DPYD: variants seen among roughly 807,000 people sequenced by gnomAD.
The protein encoded by DPYD is dihydropyrimidine dehydrogenase [NADP(+)].
In DPYD, 109 loss-of-function variants were observed where a neutral mutation model predicts 116.2. The observed-to-expected ratio is 0.94, with a 90% CI of 0.80 to 1.10. The LOEUF is 1.10. Ranked by LOEUF, DPYD falls within the 50% of genes least tolerant of loss-of-function variation. The pLI is 0.00. For missense variants in DPYD, 1,302 were observed against 1,254.5 expected (o/e 1.04, Z -0.57); for synonymous variants, 440 against 432.0 (o/e 1.02, Z -0.23).
intron 19 of DPYD, among the ~76,000 whole-genome samples, chr1:97,214,024 G>A (rs1660215020): frequency 6.6e-6 from 1 of 152,090 alleles, no homozygotes. Flanking sequence ...AGTTTTTAAA[G>A]CACATTACTG....
At chr1:97,429,168 GGT>G (rs1675035887) in intron 14 of DPYD, among the ~76,000 whole-genome samples, 1 of 151,706 alleles carries the variant, frequency 6.6e-6, no homozygotes, top group African/African-American at 2.4e-5. Flanking sequence ...TATTAACCAG[GGT>G]AACCTGATAT....
intron 8 of DPYD, among the ~76,000 whole-genome samples, chr1:97,615,632 C>CA (rs1000020249): frequency 8.6e-5 from 13 of 152,026 alleles, no homozygotes; most frequent in Non-Finnish European, 1.6e-4. Flanking sequence ...TCCTGGCTGA[C>CA]AAAAAAATAA....
At chr1:97,119,152 G>GA (rs949295559) in intron 20 of DPYD, among the ~76,000 whole-genome samples, 34 of 151,728 alleles carry the variant, frequency 2.2e-4, no homozygotes, top group South Asian at 8.4e-4. Context: ...ATATTTATTT[G>GA]AAAAAAAAGC....
chr1:97,096,513 G>C (rs1183300287), intron 21 of DPYD, among the ~76,000 whole-genome samples: 1 of 152,112 alleles, frequency 6.6e-6, no homozygotes, highest in Non-Finnish European at 1.5e-5. Flanking sequence ...GACTTCCTGG[G>C]TCCAGTGGGA....
intron 2 of DPYD, among the ~76,000 whole-genome samples, chr1:97,862,278 T>G (rs1558015480): frequency 1.3e-5 from 2 of 151,940 alleles, no homozygotes. Flanking sequence ...TTTATTACTA[T>G]GAGTTTAAAT....
intron 3 of DPYD, among the ~76,000 whole-genome samples, chr1:97,742,165 G>A (rs968518084): frequency 1.4e-4 from 21 of 152,170 alleles, no homozygotes; most frequent in Admixed American, 5.9e-4. Context: ...ATTTCACTGA[G>A]CATGAATCCT....
At chr1:97,772,198 T>C (rs527499117) in intron 3 of DPYD, among the ~76,000 whole-genome samples, 3 of 152,188 alleles carry the variant, frequency 2.0e-5, no homozygotes, top group Non-Finnish European at 4.4e-5. Flanking sequence ...ACTCTCAATT[T>C]TGCCACTCAG....
intron 3 of DPYD, among the ~76,000 whole-genome samples, chr1:97,825,359 C>T (rs1027351945): frequency 6.6e-6 from 1 of 151,920 alleles, no homozygotes; most frequent in African/African-American, 2.4e-5. Context: ...TAAGGAGGTA[C>T]CCAAGATGGT....
intron 7 of DPYD, among the ~76,000 whole-genome samples, chr1:97,683,924 A>T (rs1332577287): frequency 6.6e-6 from 1 of 152,194 alleles, no homozygotes; most frequent in East Asian, 1.9e-4. Context: ...AAACACATGG[A>T]TGCTGACAAA....
chr1:97,674,781 AC>A (rs1239187499), intron 8 of DPYD, among the ~76,000 whole-genome samples: 1 of 152,162 alleles, frequency 6.6e-6, no homozygotes, highest in Non-Finnish European at 1.5e-5. Flanking sequence ...TCAATTTAAT[AC>A]CAACCTAAAC....
chr1:97,707,175 C>G (rs527577279), intron 5 of DPYD, among the ~76,000 whole-genome samples: 46 of 152,046 alleles, frequency 3.0e-4, no homozygotes, highest in African/African-American at 9.9e-4. Flanking sequence ...ATGAGGAGCC[C>G]TCCTCAATTA....
chr1:97,770,212 T>A (rs1178840617), intron 3 of DPYD, among the ~76,000 whole-genome samples: 2 of 152,202 alleles, frequency 1.3e-5, no homozygotes, highest in Non-Finnish European at 2.9e-5. Context: ...AGTATGACTT[T>A]ACCATCGCAA....
chr1:97,226,425 C>A (rs1411993223), intron 19 of DPYD, among the ~76,000 whole-genome samples: 1 of 151,966 alleles, frequency 6.6e-6, no homozygotes, highest in Non-Finnish European at 1.5e-5. Context: ...GCACCCAAAT[C>A]AGAAAGAAAA....
intron 3 of DPYD, among the ~76,000 whole-genome samples, chr1:97,807,952 C>T (rs951957527): frequency 7.9e-5 from 12 of 152,034 alleles, no homozygotes; most frequent in Non-Finnish European, 1.5e-4. Flanking sequence ...TATTTCTGGG[C>T]TCTGTATTCC....
intron 4 of DPYD, among the ~76,000 whole-genome samples, chr1:97,732,209 G>A (rs374985329): frequency 4.6e-5 from 7 of 152,058 alleles, no homozygotes; most frequent in Non-Finnish European, 1.0e-4. Context: ...GTAAAAATGA[G>A]CCGGGAGCTG....
chr1:97,870,280 G>C (rs1363523282), intron 2 of DPYD, among the ~76,000 whole-genome samples: 1 of 151,754 alleles, frequency 6.6e-6, no homozygotes, highest in Non-Finnish European at 1.5e-5. Flanking sequence ...TGCAAATAGG[G>C]TATAACACAT....
intron 19 of DPYD, among the ~76,000 whole-genome samples, chr1:97,206,290 A>T (rs1659595199): frequency 6.6e-6 from 1 of 151,968 alleles, no homozygotes; most frequent in African/African-American, 2.4e-5. Context: ...TTATTTCTTT[A>T]TGCTTTACCC....
chr1:97,331,893 T>C (rs534717456), intron 16 of DPYD, among the ~76,000 whole-genome samples: 2 of 152,336 alleles, frequency 1.3e-5, no homozygotes, highest in East Asian at 1.9e-4. Flanking sequence ...TGAAAAATTC[T>C]GAGAAATACA....
intron 18 of DPYD, among the ~76,000 whole-genome samples, chr1:97,262,549 C>A (rs1345388334): frequency 6.6e-6 from 1 of 151,968 alleles, no homozygotes; most frequent in Non-Finnish European, 1.5e-5. Context: ...TTTTAAAATT[C>A]TAAAGTTTTG....
Sources: allele counts gnomAD v4.1 joint callset (sites outside exome capture counted in the v4.1 genomes callset), GRCh38; gene constraint gnomAD v4.1.1; transcripts MANE v1.5; gene names NCBI Gene and HGNC (gene_info 2026-07-23, HGNC 2026-07-21).